ENOX2: variants seen among roughly 807,000 people sequenced by gnomAD.
ENOX2 encodes the protein ecto-NOX disulfide-thiol exchanger 2.
Under a neutral mutation model 45.0 loss-of-function variants are expected in ENOX2, and 36 were observed. The ratio of observed to expected loss-of-function variants is 0.80; its 90% confidence interval spans 0.61 to 1.06. The LOEUF (loss-of-function observed/expected upper bound fraction) is 1.06, where lower values mean the gene tolerates loss of function less well. Among genes scored for constraint, ENOX2 ranks in the 50% least tolerant of loss-of-function variants. ENOX2 has a pLI of 0.00. For missense variants in ENOX2, 423 were observed against 462.5 expected (o/e 0.91, Z 0.78); for synonymous variants, 174 against 152.3 (o/e 1.14, Z -1.05).
At position 130,679,624 on chromosome X, in the gene ENOX2, A is replaced by C. The variant is rs768543210; in HGVS notation, c.378T>G (p.Ile126Met). The C allele has an allele frequency of 8.3e-7, 1 of 1,210,847 alleles. No homozygotes were observed. Among genetic ancestry groups the C allele is most frequent in the South Asian group, 1.8e-5 (1 of 56,930 alleles). ...VEVFEQCGEI[I>M]AIRKSKKNFC... ...AGTTCTTCTTGCTCTTGCGAATGGCAATGATCTCTCCACACTGCTCGAAAA... is the reference window on the plus strand; with the variant it reads ...AGTTCTTCTTGCTCTTGCGAATGGCCATGATCTCTCCACACTGCTCGAAAA... The change falls in exon 6 of 15, where the codon ATT becomes ATG. Residue 126 changes from isoleucine to methionine, a missense_variant. This residue lies in a region of ENOX2 where 261 missense variants were observed against 306.8 expected (regional missense o/e 0.85). Coordinates refer to ENST00000394363, the MANE Select transcript of ENOX2 (RefSeq NM_006375.4).
intron 2 of ENOX2, among the ~76,000 whole-genome samples, chrX:130,810,759 G>A (rs766845588): frequency 8.9e-6 from 1 of 112,169 alleles, no homozygotes; most frequent in Non-Finnish European, 1.9e-5. Flanking sequence ...GTCCAGGCCT[G>A]CCCCAACAGA....
chrX:130,645,754 G>A, intron 10 of ENOX2: 3 of 823,325 alleles, frequency 3.6e-6, no homozygotes, highest in Non-Finnish European at 5.3e-6. Flanking sequence ...GTGTGGCGCC[G>A]GCTTCTGCGG....
intron 9 of ENOX2, among the ~76,000 whole-genome samples, chrX:130,659,362 T>G (rs757862947): frequency 1.8e-5 from 2 of 111,748 alleles, no homozygotes; most frequent in South Asian, 7.5e-4. Context: ...TAGTTAAGAA[T>G]AGAAAAAGAA....
At chrX:130,852,612 C>A (rs1024680943) in intron 2 of ENOX2, among the ~76,000 whole-genome samples, 1 of 111,103 alleles carries the variant, frequency 9.0e-6, no homozygotes, top group African/African-American at 3.3e-5. Flanking sequence ...TCTTTGTATT[C>A]AAAGGAAACC....
chrX:130,897,909 A>G (rs769627120), intron 2 of ENOX2, among the ~76,000 whole-genome samples: 3 of 112,583 alleles, frequency 2.7e-5, no homozygotes, highest in African/African-American at 9.7e-5. Flanking sequence ...GCAGGCTGGA[A>G]GCAGCAGTAA....
At chrX:130,707,539 C>CAG (rs2038071659) in intron 3 of ENOX2, among the ~76,000 whole-genome samples, 1 of 109,772 alleles carries the variant, frequency 9.1e-6, no homozygotes, top group Non-Finnish European at 1.9e-5. Flanking sequence ...CACACACACA[C>CAG]ACAGACACAC....
At chrX:130,708,282 C>T (rs1569490804) in intron 3 of ENOX2, among the ~76,000 whole-genome samples, 2 of 111,562 alleles carry the variant, frequency 1.8e-5, no homozygotes, top group African/African-American at 3.3e-5. Context: ...TTATGGTAAA[C>T]GATGAGGAAG....
At chrX:130,639,349 G>C (rs1321413857) in intron 10 of ENOX2, among the ~76,000 whole-genome samples, 1 of 111,876 alleles carries the variant, frequency 8.9e-6, no homozygotes, top group African/African-American at 3.3e-5. Context: ...ATGGTGGTGG[G>C]AGTGGGATAA....
intron 2 of ENOX2, among the ~76,000 whole-genome samples, chrX:130,876,301 G>T (rs761750863): frequency 8.9e-6 from 1 of 111,952 alleles, no homozygotes; most frequent in East Asian, 2.8e-4. Flanking sequence ...ATATAACACA[G>T]ATTAACCTTG....
At position 130,847,368 on chromosome X, in the gene ENOX2, T is replaced by C. The variant is rs1353996321; in HGVS notation, c.-183+54316A>G. Among the ~76,000 whole-genome samples the C allele has an allele frequency of 3.6e-5, 4 of 111,927 alleles. No homozygotes were observed. In the South Asian group the frequency reaches 1.1e-3, roughly 31 times the overall value. The stretch of plus-strand genomic sequence containing the variant: ...TCTGTACATTATATTTCTAGAAAAA[T>C]GTTACAAGTTTGTAAAAATATATTA... On this transcript the variant is annotated intron_variant, in intron 2 of 14. Transcript: ENST00000394363.
At chrX:130,883,619 G>T (rs983831475) in intron 2 of ENOX2, among the ~76,000 whole-genome samples, 1 of 111,162 alleles carries the variant, frequency 9.0e-6, no homozygotes, top group East Asian at 2.8e-4. Context: ...ATAAATTTTC[G>T]AATTTGTTAA....
intron 2 of ENOX2, among the ~76,000 whole-genome samples, chrX:130,820,114 T>C (rs181350714): frequency 3.6e-5 from 4 of 112,303 alleles, no homozygotes; most frequent in African/African-American, 1.3e-4. Context: ...TTCAATTCAA[T>C]AGCAGGAAAA....
chrX:130,826,313 G>GTAAA (rs2077719857), intron 2 of ENOX2, among the ~76,000 whole-genome samples: 1 of 111,461 alleles, frequency 9.0e-6, no homozygotes, highest in South Asian at 3.8e-4. Flanking sequence ...TGCCCTTTTT[G>GTAAA]TAAATAAATA....
intron 2 of ENOX2, among the ~76,000 whole-genome samples, chrX:130,893,970 C>T (rs1394036875): frequency 8.9e-6 from 1 of 112,004 alleles, no homozygotes; most frequent in Admixed American, 9.5e-5. Context: ...TGATTTCTTT[C>T]CTTCATGATA....
intron 2 of ENOX2, among the ~76,000 whole-genome samples, chrX:130,823,066 T>C (rs1235231951): frequency 1.8e-5 from 2 of 112,152 alleles, no homozygotes; most frequent in Non-Finnish European, 3.8e-5. Flanking sequence ...TATCCTTTTA[T>C]TTTACTATGA....
intron 2 of ENOX2, among the ~76,000 whole-genome samples, chrX:130,844,068 C>A (rs1208506266): frequency 8.9e-6 from 1 of 111,903 alleles, no homozygotes; most frequent in Non-Finnish European, 1.9e-5. Context: ...TCCCCACAAT[C>A]TTTGCCTTCA....
chrX:130,742,187 G>A (rs2038997121), intron 3 of ENOX2, among the ~76,000 whole-genome samples: 1 of 99,356 alleles, frequency 1.0e-5, no homozygotes. Flanking sequence ...ACTTAAAAAA[G>A]TAAGTGCTGA....
intron 3 of ENOX2, among the ~76,000 whole-genome samples, chrX:130,746,387 T>C (rs2039098001): frequency 8.9e-6 from 1 of 111,877 alleles, no homozygotes; most frequent in African/African-American, 3.2e-5. Flanking sequence ...CATAAACTCA[T>C]AGCTTCATCT....
chrX:130,683,080 T>C (rs1051493857), intron 5 of ENOX2, among the ~76,000 whole-genome samples: 5 of 112,180 alleles, frequency 4.5e-5, no homozygotes, highest in Non-Finnish European at 9.4e-5. Flanking sequence ...AAAAGAACTC[T>C]AATCTCTGGT....
Sources: allele counts gnomAD v4.1 joint callset (sites outside exome capture counted in the v4.1 genomes callset), GRCh38; gene constraint gnomAD v4.1.1; regional missense constraint gnomAD v4.1.1; transcripts MANE v1.5; gene names NCBI Gene and HGNC (gene_info 2026-07-23, HGNC 2026-07-21).